The following XKR5 variants were observed in gnomAD, a reference collection of about 807,000 sequenced individuals.
XKR5 encodes the protein XK related 5, also known as XK-related protein 5.
In XKR5, 46 loss-of-function variants were observed where a neutral mutation model predicts 40.8. The observed-to-expected ratio is 1.13, with a 90% CI of 0.89 to 1.44. The LOEUF (loss-of-function observed/expected upper bound fraction) is 1.44. XKR5 is among the 40% of genes most tolerant of loss of function. The probability of loss-of-function intolerance (pLI) is 0.00; values close to 1 mark genes in which losing one functional copy is unlikely to be tolerated. For synonymous variants in XKR5, 466 were observed against 356.1 expected, an observed-to-expected ratio of 1.31 and a Z score of -3.48; for missense variants, 1,169 against 844.7, an observed-to-expected ratio of 1.38 and a Z score of -4.76.
At position 6,835,506 on chromosome 8, in the gene XKR5, C is replaced by T. The variant is rs987396033; in HGVS notation, c.-13G>A. 2 of 1,494,138 alleles carry T rather than the reference C, an allele frequency of 1.3e-6. No individual in the cohort carries two copies. Among genetic ancestry groups the T allele is most frequent in the Non-Finnish European group, 1.8e-6 (2 of 1,127,818 alleles). The allele number at this position is 1,494,138 out of a possible 1,614,324, so 92.6% of individuals were successfully genotyped here. ...GCCTCGCGTGCATCTTCCGTGCCGA[C>T]CCCGCAGCCTGCGCCCGCCCCTTCC... is the stretch of plus-strand genomic sequence containing the variant. On this transcript the variant is annotated 5_prime_UTR_variant, in exon 1 of 7. Transcript: ENST00000618742.
At chr8:6,815,987 A>G (rs1365512525) in intron 5 of XKR5, 69 bp from the exon 6 acceptor site, 3 of 1,221,546 alleles carry the variant, frequency 2.5e-6, no homozygotes, top group Non-Finnish European at 3.5e-6. Flanking sequence ...CCGTCCCGTG[A>G]GTCTGCAGCG....
intron 2 of XKR5, among the ~76,000 whole-genome samples, chr8:6,825,550 G>A (rs912468454): frequency 6.6e-6 from 1 of 151,514 alleles, no homozygotes; most frequent in African/African-American, 2.4e-5. Context: ...GAGTCCTGTG[G>A]TGCTCAGCCA....
intron 2 of XKR5, among the ~76,000 whole-genome samples, chr8:6,826,783 C>T (rs1031678046): frequency 1.3e-5 from 2 of 152,106 alleles, no homozygotes; most frequent in African/African-American, 4.8e-5. Flanking sequence ...CACTAAGGGG[C>T]CTGGATACGA....
Position 6,823,628 on chromosome 8 carries a change from G to A in XKR5, c.530C>T (p.Ala177Val). Residue 177 changes from alanine (A) to valine (V), a missense_variant, in exon 4 of 7, where the codon GCC becomes GTC. Coordinates refer to ENST00000618742, the MANE Select transcript of XKR5 (RefSeq NM_207411.5). ...MKPGHLAMPW[A>V]ALFCQQLWRM... ...CCAGAGCTGCTGGCAGAAGAGGGCG[G>A]CCCATGGCATGGCCAGGTGGCCTGG... The A allele has an allele frequency of 1.3e-6, 2 of 1,593,644 alleles. No homozygotes were observed. Among genetic ancestry groups the A allele is most frequent in the Middle Eastern group, 1.7e-4 (1 of 6,044 alleles).
chr8:6,814,630 C>T (rs1056399624), intron 6 of XKR5, among the ~76,000 whole-genome samples: 5 of 152,152 alleles, frequency 3.3e-5, no homozygotes, highest in East Asian at 1.9e-4. Flanking sequence ...GTAATGGGTA[C>T]GGGGAGCTCT....
At chr8:6,815,014 A>C (rs953215620) in intron 6 of XKR5, among the ~76,000 whole-genome samples, 9 of 152,124 alleles carry the variant, frequency 5.9e-5, no homozygotes, top group African/African-American at 2.2e-4. Flanking sequence ...GGAGGGCAGG[A>C]GTTGTTGCAG....
intron 5 of XKR5, among the ~76,000 whole-genome samples, chr8:6,820,158 G>T (rs1239139930): frequency 2.6e-5 from 4 of 152,206 alleles, no homozygotes; most frequent in Non-Finnish European, 4.4e-5. Context: ...GGGCAGCAAG[G>T]CCTAAAGCCC....
intron 2 of XKR5, among the ~76,000 whole-genome samples, chr8:6,828,034 A>G (rs935956830): frequency 6.6e-6 from 1 of 152,082 alleles, no homozygotes; most frequent in African/African-American, 2.4e-5. Context: ...ATGCCACTGC[A>G]CTCCAGCCTG....
At chr8:6,828,851 T>G (rs1295677451) in intron 2 of XKR5, among the ~76,000 whole-genome samples, 1 of 152,142 alleles carries the variant, frequency 6.6e-6, no homozygotes, top group Non-Finnish European at 1.5e-5. Flanking sequence ...AGTAGAAAAG[T>G]TTCTTCATGG....
chr8:6,832,014 CAAA>C (rs34490284), intron 2 of XKR5, among the ~76,000 whole-genome samples: 9 of 45,204 alleles, frequency 2.0e-4, no homozygotes, highest in East Asian at 5.7e-4. Flanking sequence ...GACTCCATCT[CAAA>C]AAAAAAAAAA....
intron 2 of XKR5, among the ~76,000 whole-genome samples, chr8:6,827,651 G>A (rs990990808): frequency 4.6e-5 from 7 of 152,206 alleles, no homozygotes; most frequent in Non-Finnish European, 5.9e-5. Context: ...AACCATGAGG[G>A]CAGGCAGTAG....
At chr8:6,821,796 C>T (rs971139622) in intron 5 of XKR5, 73 bp downstream of exon 5, 10 of 1,375,142 alleles carry the variant, frequency 7.3e-6, no homozygotes, top group African/African-American at 1.4e-5. Context: ...ACACACACCC[C>T]CCACACACAC....
At chr8:6,829,126 A>G (rs954103547) in intron 2 of XKR5, 2 of 161,862 alleles carry the variant, frequency 1.2e-5, no homozygotes, top group African/African-American at 4.8e-5. Context: ...ATACTTTTAA[A>G]TATTAAATCT....
intron 2 of XKR5, 46 bp downstream of exon 2, chr8:6,832,671 A>C (rs569848461): frequency 3.1e-6 from 5 of 1,603,654 alleles, no homozygotes; most frequent in East Asian, 2.2e-5. Context: ...CTCTCACTGC[A>C]CTTGTGCAAT....
intron 6 of XKR5, among the ~76,000 whole-genome samples, chr8:6,813,020 G>T (rs972920828): frequency 1.3e-5 from 2 of 152,190 alleles, no homozygotes; most frequent in African/African-American, 4.8e-5. Context: ...CCAGTTTCCT[G>T]TTGTACTGGA....
At position 6,811,150 on chromosome 8, in the gene XKR5, G is replaced by GGCCAGCTT; in HGVS notation, c.*40_*47dup. ...GATTTCCTTTCTCACGGTACCAAAT[G>GGCCAGCTT]GCCAGCTTGGTTTGTCAGCCTGTTG... On this transcript the variant is annotated 3_prime_UTR_variant, in exon 7 of 7. Transcript: ENST00000618742. The GGCCAGCTT allele has an allele frequency of 6.7e-7, 1 of 1,486,666 alleles. No individual in the cohort carries two copies. Among genetic ancestry groups the GGCCAGCTT allele is most frequent in the Non-Finnish European group, 8.9e-7 (1 of 1,117,340 alleles). The allele number at this position is 1,486,666 out of a possible 1,614,324, so 92.1% of individuals were successfully genotyped here.
chr8:6,824,541 A>T (rs1346744389), intron 3 of XKR5, among the ~76,000 whole-genome samples: 1 of 152,052 alleles, frequency 6.6e-6, no homozygotes, highest in African/African-American at 2.4e-5. Flanking sequence ...TATTATTATT[A>T]TTATTTTGAG....
Position 6,811,022 on chromosome 8 carries a change from G to T in XKR5, c.*176C>A. The T allele has an allele frequency of 1.5e-6, 1 of 654,170 alleles. No individual in the cohort carries two copies. The highest frequency in any genetic ancestry group is 2.6e-6 in the Non-Finnish European group (1 of 391,902). 40.5% of individuals were successfully genotyped at this position (654,170 alleles called of 1,614,324 possible). A position where few individuals can be genotyped will look rare whatever the true frequency, so the allele number is the denominator to read the frequency against. ...GGGTGGGGTCTGTGATGTTTGCATT[G>T]GACCTGCAAAATCATCCAGCCCTGT... On this transcript the variant is annotated 3_prime_UTR_variant, in exon 7 of 7. Coordinates refer to ENST00000618742, the MANE Select transcript of XKR5 (RefSeq NM_207411.5).
chr8:6,830,269 G>A (rs560311608), intron 2 of XKR5, among the ~76,000 whole-genome samples: 1 of 152,194 alleles, frequency 6.6e-6, no homozygotes, highest in Non-Finnish European at 1.5e-5. Flanking sequence ...AAACGCAATT[G>A]TTTTGGCTCC....
Sources: allele counts gnomAD v4.1 joint callset (sites outside exome capture counted in the v4.1 genomes callset), GRCh38; gene constraint gnomAD v4.1.1; transcripts MANE v1.5; gene names NCBI Gene and HGNC (gene_info 2026-07-23, HGNC 2026-07-21).